Variants in TP53I11 observed in about 807,000 individuals in gnomAD.
TP53I11 encodes tumor protein p53 inducible protein 11, also known as tumor protein p53-inducible protein 11.
In TP53I11, 9 loss-of-function variants were observed where a neutral mutation model predicts 23.3. The ratio of observed to expected loss-of-function variants is 0.39; its 90% CI spans 0.23 to 0.67. The LOEUF (loss-of-function observed/expected upper bound fraction) is 0.67, where lower values mean the gene tolerates loss of function less well. Ranked by LOEUF, TP53I11 falls within the 30% of genes least tolerant of loss-of-function variation. TP53I11 has a pLI of 0.48. For synonymous variants in TP53I11, 100 were observed against 106.1 expected (o/e 0.94, Z 0.35); for missense variants, 170 against 255.2 (o/e 0.67, Z 2.27).
intron 1 of TP53I11, chr11:44,943,131 G>A (rs1240384009): frequency 1.3e-5 from 2 of 152,344 alleles, no homozygotes; most frequent in African/African-American, 4.8e-5. Context: ...CTTGTGAAAT[G>A]GGGGTAGTGA....
chr11:44,947,108 C>G (rs895915133), intron 1 of TP53I11: 2 of 456,278 alleles, frequency 4.4e-6, no homozygotes, highest in Admixed American at 4.7e-5. Context: ...GCTCCTCCCC[C>G]GGGGGTCTGA....
rs1322422727 is a variant in TP53I11 at position 44,936,944 on chromosome 11, T to TG, written c.238-46dup. 9.9e-6 allele frequency: 14 copies of TG among 1,407,896 alleles called. No homozygotes were observed. The African/African-American group carries it at 1.0e-4, about 10-fold the overall frequency. 87.2% of individuals were successfully genotyped at this position (1,407,896 alleles called of 1,614,324 possible). Reference sequence around the variant, plus strand: ...CTCAGAGGTCCCGCTTGGGAGAGGGTGGGGGGTGACAGCTGATGCTTCCCA... The same window carrying TG: ...CTCAGAGGTCCCGCTTGGGAGAGGGTGGGGGGGTGACAGCTGATGCTTCCCA... On this transcript the variant is annotated intron_variant, in intron 4 of 6. Coordinates refer to ENST00000525680, the MANE Select transcript of TP53I11 (RefSeq NM_006034.5). The surrounding 1 kb of genome is among the most constrained non-coding windows in gnomAD (Gnocchi z 4.4).
At chr11:44,942,076 A>ACG (rs1861860063) in intron 1 of TP53I11, among the ~76,000 whole-genome samples, 1 of 129,548 alleles carries the variant, frequency 7.7e-6, no homozygotes, top group Non-Finnish European at 1.6e-5. Flanking sequence ...TACCACACAC[A>ACG]CACCATACAA....
At chr11:44,941,907 A>G (rs537656433) in intron 1 of TP53I11, among the ~76,000 whole-genome samples, 13 of 152,172 alleles carry the variant, frequency 8.5e-5, no homozygotes, top group African/African-American at 2.9e-4. Flanking sequence ...CATTGGATGC[A>G]TTGCTTTCCT....
rs569723040 is a variant in TP53I11, at chr11:44,944,196, G to A, written c.-31-5830C>T. Among the ~76,000 whole-genome samples, 15 of 152,296 alleles carry A rather than the reference G, an allele frequency of 9.8e-5. No homozygotes were observed. In the South Asian group the frequency reaches 1.9e-3, roughly 19 times the overall value. ...CTGGCAGTGGGGGGTCTGGACAGCCGTGAAGGTTAGAGGACTGGATGAGAA... is the reference window on the plus strand; with the variant it reads ...CTGGCAGTGGGGGGTCTGGACAGCCATGAAGGTTAGAGGACTGGATGAGAA... On this transcript the variant is annotated intron_variant, in intron 1 of 6. Coordinates refer to ENST00000525680, the MANE Select transcript of TP53I11 (RefSeq NM_006034.5).
At chr11:44,941,296 G>T (rs111684044) in intron 1 of TP53I11, among the ~76,000 whole-genome samples, 5 of 152,148 alleles carry the variant, frequency 3.3e-5, no homozygotes, top group Non-Finnish European at 7.3e-5. Context: ...TCTGAGCTCC[G>T]GGGTCCTCAT....
chr11:44,942,717 G>T (rs1862010656), intron 1 of TP53I11, among the ~76,000 whole-genome samples: 1 of 152,194 alleles, frequency 6.6e-6, no homozygotes, highest in Non-Finnish European at 1.5e-5. Flanking sequence ...CTCACAAAGG[G>T]CCCATGTGGC....
intron 1 of TP53I11, among the ~76,000 whole-genome samples, chr11:44,944,747 AG>A (rs1862226415): frequency 6.6e-6 from 1 of 152,122 alleles, no homozygotes; most frequent in Admixed American, 6.5e-5. Context: ...CAAAGCCCAC[AG>A]GTTTGTGATG....
rs1419610310 is a variant in TP53I11 at position 44,936,910 on chromosome 11, C to T, written c.238-11G>A. ...AGGGAAGGCAAGCGCCTGCGGGCAG[C>T]GAGAGGGGCTCAGAGGTCCCGCTTG... On this transcript the variant is annotated splice_polypyrimidine_tract_variant and intron_variant, in intron 4 of 6. Coordinates refer to ENST00000525680, the MANE Select transcript of TP53I11 (RefSeq NM_006034.5). The surrounding 1 kb of genome is among the most constrained non-coding windows in gnomAD (Gnocchi z 4.4). 21 of 1,592,692 alleles carry T rather than the reference C, an allele frequency of 1.3e-5. No individual in the cohort carries two copies. Among genetic ancestry groups the T allele is most frequent in the East Asian group, 2.3e-5 (1 of 44,304 alleles).
chr11:44,940,507 G>C (rs1021333405), intron 1 of TP53I11: 1 of 152,216 alleles, frequency 6.6e-6, no homozygotes, highest in Non-Finnish European at 1.5e-5. Context: ...ATGATAAAGC[G>C]TAGAACCTTT....
intron 1 of TP53I11, among the ~76,000 whole-genome samples, chr11:44,941,832 C>T (rs956230589): frequency 1.3e-5 from 2 of 152,256 alleles, no homozygotes; most frequent in Admixed American, 6.5e-5. Context: ...GGCTGGCGCT[C>T]AGCCACTGCC....
At chr11:44,944,539 AG>A (rs1264850848) in intron 1 of TP53I11, among the ~76,000 whole-genome samples, 1 of 152,220 alleles carries the variant, frequency 6.6e-6, no homozygotes. Context: ...TAAACCAGCC[AG>A]GAAGAGAGGG....
chr11:44,941,634 G>A (rs1440601341), intron 1 of TP53I11, among the ~76,000 whole-genome samples: 8 of 152,118 alleles, frequency 5.3e-5, no homozygotes, highest in African/African-American at 1.9e-4. Flanking sequence ...GGAAGTGCCT[G>A]GCCCACAGCA....
rs376698519 is a variant in TP53I11, at chr11:44,936,867, C to T, written c.270G>A (p.Ala90=). 24 of 1,609,168 alleles carry T rather than the reference C, an allele frequency of 1.5e-5. No individual in the cohort carries two copies. Among genetic ancestry groups the T allele is most frequent in the Non-Finnish European group, 2.0e-5 (23 of 1,178,462 alleles). Residue 90 remains alanine (A), a synonymous_variant, in exon 5 of 7, where the codon GCG becomes GCA. Coordinates refer to ENST00000525680, the MANE Select transcript of TP53I11 (RefSeq NM_006034.5). This position sits in a 1 kb window ranked among gnomAD's most constrained non-coding sequence, Gnocchi z 4.4. ...ALAFPDQLYD[A]VFDGAQVTSK... ...TGGTCACCTGGGCTCCATCAAAGACCGCATCATAGAGCTGGTCAGGGAAGG... is the reference window on the plus strand; with the variant it reads ...TGGTCACCTGGGCTCCATCAAAGACTGCATCATAGAGCTGGTCAGGGAAGG...
At chr11:44,945,182 TA>T (rs1862266286) in intron 1 of TP53I11, among the ~76,000 whole-genome samples, 1 of 152,126 alleles carries the variant, frequency 6.6e-6, no homozygotes, top group African/African-American at 2.4e-5. Context: ...GCTTCTGTGA[TA>T]GGGGCAGGCA....
At position 44,934,768 on chromosome 11, in the gene TP53I11, G is replaced by C; in HGVS notation, c.*116C>G. The C allele has an allele frequency of 1.4e-6, 2 of 1,422,100 alleles. No homozygotes were observed. Among genetic ancestry groups the C allele is most frequent in the Non-Finnish European group, 1.9e-6 (2 of 1,055,762 alleles). 88.1% of individuals were successfully genotyped at this position (1,422,100 alleles called of 1,614,324 possible). A position where few individuals can be genotyped will look rare whatever the true frequency, so the allele number is the denominator to read the frequency against. On this transcript the variant is annotated 3_prime_UTR_variant, in exon 7 of 7. Transcript: ENST00000525680. Reference sequence around the variant, plus strand: ...AAGGCCCCCCACCCCCTGCCTCCCTGGGGCAGGACTGGGGCAGGGCAGGGG... The same window carrying C: ...AAGGCCCCCCACCCCCTGCCTCCCTCGGGCAGGACTGGGGCAGGGCAGGGG...
intron 1 of TP53I11, among the ~76,000 whole-genome samples, chr11:44,949,732 A>G (rs932594729): frequency 2.0e-5 from 3 of 152,252 alleles, no homozygotes; most frequent in African/African-American, 7.2e-5. Context: ...TGCCCACGGC[A>G]GGGGCCCTAA....
intron 5 of TP53I11, 52 bp from the exon 6 acceptor site, chr11:44,935,714 C>A: frequency 1.5e-6 from 2 of 1,339,546 alleles, no homozygotes; most frequent in East Asian, 4.8e-5. Flanking sequence ...GACTCCCTCC[C>A]AGCAGGGCAG....
chr11:44,932,551 G>A lies in TP53I11; in HGVS notation c.*2333C>T, dbSNP rs545473104. 6.3e-4 allele frequency: 96 copies of A among 152,358 alleles called. No homozygotes were observed. Among genetic ancestry groups the A allele is most frequent in the Non-Finnish European group, 1.2e-3 (79 of 68,056 alleles). 9.4% of individuals were successfully genotyped at this position (152,358 alleles called of 1,614,324 possible). ...GGTCACCCCAAACGGAGCGTAGAGC[G>A]GGCCCACACCGAGCTTTCCTCGCTG... On this transcript the variant is annotated 3_prime_UTR_variant, in exon 7 of 7. Transcript: ENST00000525680.
Sources: allele counts gnomAD v4.1 joint callset (sites outside exome capture counted in the v4.1 genomes callset), GRCh38; gene constraint gnomAD v4.1.1; non-coding constraint Gnocchi (gnomAD v3.1); transcripts MANE v1.5; gene names NCBI Gene and HGNC (gene_info 2026-07-23, HGNC 2026-07-21).